The following FAM180A variants were observed in gnomAD, a reference collection of about 807,000 sequenced individuals.
FAM180A encodes the protein family with sequence similarity 180 member A.
Under a neutral mutation model 15.3 loss-of-function variants are expected in FAM180A, and 14 were observed. That is an observed-to-expected ratio of 0.92 (90% CI 0.61 to 1.43). The LOEUF (loss-of-function observed/expected upper bound fraction) is 1.43, where lower values mean the gene tolerates loss of function less well. Ranked by LOEUF, FAM180A falls within the 40% of genes most tolerant of loss-of-function variation. The pLI is 0.00. For missense variants in FAM180A, 200 were observed against 220.8 expected (o/e 0.91, Z 0.60); for synonymous variants, 90 against 96.8 (o/e 0.93, Z 0.41).
chr7:135,747,466 G>A (rs922348025), intron 1 of FAM180A, among the ~76,000 whole-genome samples: 3 of 152,030 alleles, frequency 2.0e-5, no homozygotes, highest in East Asian at 1.9e-4. Flanking sequence ...CTAATGTCAC[G>A]TTTAACCATG....
At chr7:135,747,781 G>A (rs1215046314) in intron 1 of FAM180A, among the ~76,000 whole-genome samples, 5 of 152,170 alleles carry the variant, frequency 3.3e-5, no homozygotes, top group Non-Finnish European at 5.9e-5. Context: ...GGGCAGTGCC[G>A]TGGGTCCCTC....
rs148618285 is a variant in FAM180A, at chr7:135,747,498, G to A, written c.76+1007C>T. On this transcript the variant is annotated intron_variant, in intron 1 of 3. Transcript: ENST00000338588. ...CATGAGGAAATAAAACCCAGCATAAGTACAGTAGCTTTTGCCTCCCTCCCA... is the reference window on the plus strand; with the variant it reads ...CATGAGGAAATAAAACCCAGCATAAATACAGTAGCTTTTGCCTCCCTCCCA... 7.2e-5 allele frequency among the ~76,000 whole-genome samples: 11 copies of A among 152,234 alleles called. 1 individual carries two copies. In the East Asian group the frequency reaches 2.1e-3, roughly 29 times the overall value.
At chr7:135,737,038 A>C in intron 2 of FAM180A, 61 bp downstream of exon 2, 1 of 1,362,470 alleles carries the variant, frequency 7.3e-7, no homozygotes, top group Non-Finnish European at 1.0e-6. Context: ...TTTCCAAAAA[A>C]GATAGAGAAA....
chr7:135,730,761 C>T (rs1257607896), intron 3 of FAM180A, among the ~76,000 whole-genome samples: 2 of 152,126 alleles, frequency 1.3e-5, no homozygotes, highest in African/African-American at 2.4e-5. Context: ...TACATTTCTA[C>T]TACTCCTTGG....
At chr7:135,748,088 T>C (rs1485434393) in intron 1 of FAM180A, among the ~76,000 whole-genome samples, 2 of 152,204 alleles carry the variant, frequency 1.3e-5, no homozygotes, top group African/African-American at 4.8e-5. Flanking sequence ...TCTGCTCTGG[T>C]TCCCCCAGGG....
intron 2 of FAM180A, among the ~76,000 whole-genome samples, chr7:135,735,435 G>C (rs2129495968): frequency 6.6e-6 from 1 of 152,330 alleles, no homozygotes; most frequent in South Asian, 2.1e-4. Flanking sequence ...TGGGAGCTGG[G>C]TCTGCCATGC....
chr7:135,734,690 A>G (rs928981445), intron 2 of FAM180A, among the ~76,000 whole-genome samples: 24 of 152,190 alleles, frequency 1.6e-4, no homozygotes, highest in African/African-American at 5.8e-4. Flanking sequence ...TTTCCACCCA[A>G]CAAAGATCAT....
At chr7:135,746,658 G>A (rs889501793) in intron 1 of FAM180A, among the ~76,000 whole-genome samples, 8 of 152,172 alleles carry the variant, frequency 5.3e-5, no homozygotes, top group African/African-American at 1.9e-4. Context: ...TCCCCAGTGT[G>A]ACAAAGAGGG....
chr7:135,738,233 C>A (rs57246704), intron 1 of FAM180A, among the ~76,000 whole-genome samples: 3 of 112,472 alleles, frequency 2.7e-5, no homozygotes, highest in East Asian at 2.3e-4. Context: ...GCTCTGTTGC[C>A]CAGGCTGGAG....
chr7:135,731,380 A>G (rs2129495848), intron 3 of FAM180A, among the ~76,000 whole-genome samples: 1 of 152,086 alleles, frequency 6.6e-6, no homozygotes, highest in Non-Finnish European at 1.5e-5. Context: ...TTAGACAATG[A>G]TACCCAGAGA....
At position 135,734,051 on chromosome 7, in the gene FAM180A, G is replaced by A. The variant is rs368814924; in HGVS notation, c.446C>T (p.Ala149Val). ...LSHGHQKDIW[A>V]QSLVSLFQAL... ...CTGGAAGAGGCTAACGAGGGACTGC[G>A]CCCAGATGTCCTTCTGATGGCCGTG... The change falls in exon 3 of 4, where the codon GCG becomes GTG. Residue 149 changes from alanine (A) to valine (V), a missense_variant. Transcript: ENST00000338588. 97 of 1,614,224 alleles carry A rather than the reference G, an allele frequency of 6.0e-5. No homozygotes were observed. In the African/African-American group the frequency reaches 7.6e-4, roughly 13 times the overall value.
In FAM180A at chr7:135,733,800, G is replaced by A; in HGVS notation, c.*175C>T. 1 of 1,395,866 alleles carries A rather than the reference G, an allele frequency of 7.2e-7. No homozygotes were observed. Among genetic ancestry groups the A allele is most frequent in the South Asian group, 1.8e-5 (1 of 56,884 alleles). The allele number at this position is 1,395,866 out of a possible 1,614,324, so 86.5% of individuals were successfully genotyped here. On this transcript the variant is annotated 3_prime_UTR_variant, in exon 3 of 4. Transcript: ENST00000338588. ...GGTCACATGATGGCATGAATCAGAT[G>A]TGTCTTCCAGGAAACTACAAGGAGA... is the stretch of plus-strand genomic sequence containing the variant.
In FAM180A at chr7:135,729,818, G is replaced by T; in HGVS notation, c.*793C>A. 1 of 921,280 alleles carries T rather than the reference G, an allele frequency of 1.1e-6. No homozygotes were observed. Among genetic ancestry groups the T allele is most frequent in the Non-Finnish European group, 1.3e-6 (1 of 771,502 alleles). 57.1% of individuals were successfully genotyped at this position (921,280 alleles called of 1,614,324 possible). On this transcript the variant is annotated 3_prime_UTR_variant, in exon 4 of 4. Coordinates refer to ENST00000338588, the MANE Select transcript of FAM180A (RefSeq NM_205855.4). Reference sequence around the variant, plus strand: ...GTAGTCAGACTCTCAAAAACAGAAAGCAGAATAATGGTGCCAAGAGCTGGG... The same window carrying T: ...GTAGTCAGACTCTCAAAAACAGAAATCAGAATAATGGTGCCAAGAGCTGGG...
intron 3 of FAM180A, among the ~76,000 whole-genome samples, chr7:135,730,667 C>G (rs1299617327): frequency 6.6e-6 from 1 of 152,118 alleles, no homozygotes; most frequent in Non-Finnish European, 1.5e-5. Context: ...TAATTATAAC[C>G]AAATGTGACC....
At chr7:135,743,025 A>G (rs1193221647) in intron 1 of FAM180A, among the ~76,000 whole-genome samples, 1 of 152,242 alleles carries the variant, frequency 6.6e-6, no homozygotes, top group Non-Finnish European at 1.5e-5. Flanking sequence ...CTGAATAACT[A>G]CAGAAAGGAT....
At chr7:135,745,093 AT>A (rs35535059) in intron 1 of FAM180A, among the ~76,000 whole-genome samples, 51,903 of 150,480 alleles carry the variant, frequency 0.34, 10,165 homozygotes, top group Admixed American at 0.51. Context: ...CACCCAGCTA[AT>A]TTTTTTTTTA....
At chr7:135,739,277 A>G (rs1413087546) in intron 1 of FAM180A, among the ~76,000 whole-genome samples, 7 of 131,664 alleles carry the variant, frequency 5.3e-5, no homozygotes, top group Non-Finnish European at 7.7e-5. Flanking sequence ...GCCACACTGC[A>G]CTCCAGCCTG....
rs763300687 is a variant in FAM180A, at chr7:135,734,307, C to T, written c.190G>A (p.Glu64Lys). 1.5e-5 allele frequency: 24 copies of T among 1,592,782 alleles called. No individual in the cohort carries two copies. The highest frequency in any genetic ancestry group is 3.3e-4 in the Middle Eastern group (2 of 5,976). Residue 64 changes from glutamate to lysine, a missense_variant, in exon 3 of 4, where the codon GAA (glutamate) becomes AAA (lysine). By Grantham distance (56) the Glu-to-Lys change is moderately conservative. Transcript: ENST00000338588. ...VELLYEFLLA[E>K]LEISPDLQIS... ...TGCAGGTCAGGGCTGATCTCAAGTT[C>T]GGCCAGCAGGAACTGGTGAGAAATG...
intron 2 of FAM180A, 104 bp from the exon 3 acceptor site, chr7:135,734,423 G>T: frequency 9.2e-7 from 1 of 1,085,190 alleles, no homozygotes; most frequent in Non-Finnish European, 1.3e-6. Flanking sequence ...TGCCAGAAGA[G>T]CTTTGGAACT....
Sources: gnomAD v4.1 joint callset for allele counts (sites outside exome capture counted in the v4.1 genomes callset) on GRCh38, gnomAD v4.1.1 for gene constraint, MANE v1.5 for transcripts, NCBI Gene and HGNC (gene_info 2026-07-23, HGNC 2026-07-21) for gene names.